SRP54: variants seen among roughly 807,000 people sequenced by gnomAD.
SRP54 encodes the protein signal recognition particle subunit SRP54.
A neutral mutation model predicts 64.8 loss-of-function variants in SRP54; 10 were observed. The ratio of observed to expected loss-of-function variants is 0.15; its 90% CI spans 0.10 to 0.26. SRP54 has a LOEUF of 0.26. Ranked by LOEUF, SRP54 falls within the 10% of genes least tolerant of loss-of-function variation. The probability of loss-of-function intolerance (pLI) is 1.00; values close to 1 mark genes in which losing one functional copy is unlikely to be tolerated. For missense variants in SRP54, 325 were observed against 613.7 expected (o/e 0.53, Z 4.97); for synonymous variants, 193 against 185.6 (o/e 1.04, Z -0.32).
At chr14:35,023,705 AC>A (rs1479661821) in intron 14 of SRP54, among the ~76,000 whole-genome samples, 1 of 151,348 alleles carries the variant, frequency 6.6e-6, no homozygotes, top group African/African-American at 2.4e-5. Context: ...AATCACTTGA[AC>A]CCAGGAGGCG....
chr14:34,997,547 A>G (rs570853201), intron 2 of SRP54, among the ~76,000 whole-genome samples: 46 of 152,322 alleles, frequency 3.0e-4, no homozygotes, highest in Admixed American at 6.5e-4. Flanking sequence ...AGTGTATAAA[A>G]TAGGAAAAAT....
chr14:34,984,909 T>C (rs1245078793), intron 1 of SRP54, among the ~76,000 whole-genome samples: 2 of 32,564 alleles, frequency 6.1e-5, no homozygotes, highest in Non-Finnish European at 9.6e-5. Context: ...TTCACCTTCC[T>C]TTTTTTTTTT....
At position 35,012,217 on chromosome 14, in the gene SRP54, C is replaced by CA. The variant is rs60971433; in HGVS notation, c.636+578dup. Among the ~76,000 whole-genome samples, 793 of 107,256 alleles carry CA rather than the reference C, an allele frequency of 7.4e-3. 2 individuals are homozygous for CA. The highest frequency in any genetic ancestry group is 0.014 in the African/African-American group (377 of 27,488). 70.4% of individuals were successfully genotyped at this position (107,256 alleles called of 152,430 possible). A position where few individuals can be genotyped will look rare whatever the true frequency, so the allele number is the denominator to read the frequency against. ...GGCAACAAGAGCAAAACTCCATCTC[C>CA]AAAAAAAAAAAAAAAAAAAATTAGT... On this transcript the variant is annotated intron_variant, in intron 8 of 15. Transcript: ENST00000216774.
chr14:34,990,372 A>G (rs1240814824), intron 1 of SRP54, among the ~76,000 whole-genome samples: 4 of 152,134 alleles, frequency 2.6e-5, no homozygotes, highest in Admixed American at 6.5e-5. Context: ...TTAAAGCTTC[A>G]TTCATACTCT....
At chr14:35,009,663 G>A (rs528518638) in intron 7 of SRP54, among the ~76,000 whole-genome samples, 1 of 152,166 alleles carries the variant, frequency 6.6e-6, no homozygotes, top group African/African-American at 2.4e-5. Context: ...CTTATAAGAG[G>A]TGTCATAACA....
At chr14:35,023,411 C>T (rs558390188) in intron 14 of SRP54, among the ~76,000 whole-genome samples, 1 of 151,902 alleles carries the variant, frequency 6.6e-6, no homozygotes, top group African/African-American at 2.4e-5. Flanking sequence ...GTGGATCCTA[C>T]TGCAAATAAC....
chr14:35,029,302 T>C lies in SRP54; in HGVS notation c.*150T>C. 2 of 509,014 alleles carry C rather than the reference T, an allele frequency of 3.9e-6. No homozygotes were observed. Among genetic ancestry groups the C allele is most frequent in the East Asian group, 6.6e-5 (2 of 30,214 alleles). 31.5% of individuals were successfully genotyped at this position (509,014 alleles called of 1,614,324 possible). A position where few individuals can be genotyped will look rare whatever the true frequency, so the allele number is the denominator to read the frequency against. Reference sequence around the variant, plus strand: ...TTCTTCTCGCCCGCTTTTCCCCTCCTTTTCTTTTTCCTTCCTTCTTTCCTC... The same window carrying C: ...TTCTTCTCGCCCGCTTTTCCCCTCCCTTTCTTTTTCCTTCCTTCTTTCCTC... On this transcript the variant is annotated 3_prime_UTR_variant, in exon 16 of 16. Coordinates refer to ENST00000216774, the MANE Select transcript of SRP54 (RefSeq NM_003136.4).
At chr14:34,990,699 G>A (rs1037570603) in intron 1 of SRP54, among the ~76,000 whole-genome samples, 4 of 152,082 alleles carry the variant, frequency 2.6e-5, no homozygotes, top group Non-Finnish European at 4.4e-5. Context: ...ACATACAAAA[G>A]GTATTTTTCA....
intron 1 of SRP54, among the ~76,000 whole-genome samples, chr14:34,992,114 G>A (rs1272305455): frequency 6.6e-6 from 1 of 151,676 alleles, no homozygotes; most frequent in African/African-American, 2.4e-5. Context: ...TGTGTTTTTA[G>A]TAGAGATGGG....
intron 1 of SRP54, among the ~76,000 whole-genome samples, chr14:34,984,742 TC>T (rs1470452336): frequency 5.9e-5 from 9 of 152,108 alleles, no homozygotes; most frequent in Admixed American, 5.9e-4. Context: ...CCTGAAGTGA[TC>T]CGCCTGCTTC....
At chr14:35,021,712 C>G (rs2250579) in intron 13 of SRP54, among the ~76,000 whole-genome samples, 52,549 of 152,020 alleles carry the variant, frequency 0.35, 9,680 homozygotes, top group East Asian at 0.69. Flanking sequence ...GGAAGTGCCA[C>G]GTAAATGGAT....
intron 1 of SRP54, among the ~76,000 whole-genome samples, chr14:34,992,929 G>A (rs548802064): frequency 4.3e-4 from 66 of 151,766 alleles, no homozygotes; most frequent in Middle Eastern, 6.8e-3. Flanking sequence ...ATGTGATCTC[G>A]GCTCATTGCA....
At chr14:35,001,903 T>TA (rs1460872122) in intron 4 of SRP54, among the ~76,000 whole-genome samples, 1 of 152,016 alleles carries the variant, frequency 6.6e-6, no homozygotes, top group Admixed American at 6.6e-5. Context: ...AAGGAGCTGT[T>TA]AAAAAAATTA....
rs1202424014 is a variant in SRP54 at position 35,003,553 on chromosome 14, TGTTTTTTTG to T, written c.255+2551_255+2559del. On this transcript the variant is annotated intron_variant, in intron 4 of 15. Coordinates refer to ENST00000216774, the MANE Select transcript of SRP54 (RefSeq NM_003136.4). ...CCATGTTTTTTGTTTGTTTGTTTTT[TGTTTTTTTG>T]GTTTTTTTGGTTTTTTTTTTTTTTG... 3.3e-4 allele frequency among the ~76,000 whole-genome samples: 47 copies of T among 142,708 alleles called. No homozygotes were observed. In the South Asian group the frequency reaches 7.5e-3, roughly 23 times the overall value. The allele number at this position is 142,708 out of a possible 152,430, so 93.6% of individuals were successfully genotyped here. A position where few individuals can be genotyped will look rare whatever the true frequency, so the allele number is the denominator to read the frequency against.
At chr14:35,011,902 G>A (rs1173945038) in intron 8 of SRP54, among the ~76,000 whole-genome samples, 1 of 152,088 alleles carries the variant, frequency 6.6e-6, no homozygotes, top group African/African-American at 2.4e-5. Flanking sequence ...CATCCTATTA[G>A]TATGCATAAG....
At chr14:34,983,633 A>G (rs990424910) in intron 1 of SRP54, among the ~76,000 whole-genome samples, 2 of 152,236 alleles carry the variant, frequency 1.3e-5, no homozygotes, top group Non-Finnish European at 2.9e-5. Context: ...TTGAATGCCA[A>G]TGATGATTTA....
rs2044684928 is a variant in SRP54, at chr14:35,029,232, TG to T, written c.*86del. ...CAGCGTTTCCCTTCTTTTTGCGAAT[TG>T]GGGGGAAAGTGTATTTTTCTTGCTT... On this transcript the variant is annotated 3_prime_UTR_variant, in exon 16 of 16. Coordinates refer to ENST00000216774, the MANE Select transcript of SRP54 (RefSeq NM_003136.4). 4 of 1,098,154 alleles carry T rather than the reference TG, an allele frequency of 3.6e-6. No homozygotes were observed. The highest frequency in any genetic ancestry group is 4.0e-6 in the Non-Finnish European group (3 of 751,648). 68.0% of individuals were successfully genotyped at this position (1,098,154 alleles called of 1,614,324 possible).
At chr14:35,027,489 G>A (rs1271590606) in intron 14 of SRP54, among the ~76,000 whole-genome samples, 2 of 152,158 alleles carry the variant, frequency 1.3e-5, no homozygotes, top group African/African-American at 4.8e-5. Flanking sequence ...CAGGTACGGT[G>A]TCTCACACCT....
At chr14:35,013,204 C>A in intron 8 of SRP54, 142 bp from the exon 9 acceptor site, 1 of 698,348 alleles carries the variant, frequency 1.4e-6, no homozygotes, top group South Asian at 1.8e-5. Context: ...ATCCACCTGG[C>A]TCGGCCTCCC....
Sources: allele counts gnomAD v4.1 joint callset (sites outside exome capture counted in the v4.1 genomes callset), GRCh38; gene constraint gnomAD v4.1.1; transcripts MANE v1.5; gene names NCBI Gene and HGNC (gene_info 2026-07-23, HGNC 2026-07-21).